Variants in WDR70 observed in about 807,000 individuals in gnomAD.
WDR70 encodes WD repeat-containing protein 70.
A neutral mutation model predicts 88.6 loss-of-function variants in WDR70; 53 were observed. The ratio of observed to expected loss-of-function variants is 0.60; its 90% CI spans 0.48 to 0.75. WDR70 has a LOEUF of 0.75. WDR70 is among the 30% of genes least tolerant of loss of function. The probability of loss-of-function intolerance (pLI) is 0.00; values close to 1 mark genes in which losing one functional copy is unlikely to be tolerated. For missense variants in WDR70, 610 were observed against 823.2 expected (o/e 0.74, Z 3.17); for synonymous variants, 280 against 270.0 (o/e 1.04, Z -0.36).
intron 17 of WDR70, among the ~76,000 whole-genome samples, chr5:37,734,543 T>A (rs981464417): frequency 6.6e-6 from 1 of 151,946 alleles, no homozygotes; most frequent in Non-Finnish European, 1.5e-5. Context: ...ATGGTAATAA[T>A]GCTAAGAAGA....
chr5:37,581,475 C>G (rs1209122792), intron 9 of WDR70, among the ~76,000 whole-genome samples: 1 of 152,102 alleles, frequency 6.6e-6, no homozygotes, highest in African/African-American at 2.4e-5. Context: ...CTTCATTGTC[C>G]TCACCCTCAA....
intron 5 of WDR70, among the ~76,000 whole-genome samples, chr5:37,415,795 G>A (rs1447266075): frequency 6.7e-4 from 69 of 103,052 alleles, no homozygotes; most frequent in African/African-American, 6.6e-4. Flanking sequence ...CTTCTCAGAC[G>A]GGGCGGCCGG....
chr5:37,426,397 C>G (rs1750124584), intron 5 of WDR70, among the ~76,000 whole-genome samples: 1 of 152,156 alleles, frequency 6.6e-6, no homozygotes. Context: ...TTATCTACTT[C>G]TATGTAACAA....
chr5:37,417,062 A>G, intron 5 of WDR70, among the ~76,000 whole-genome samples: 1 of 14,080 alleles, frequency 7.1e-5, no homozygotes, highest in East Asian at 4.7e-3. Flanking sequence ...TATTTTGTGC[A>G]TCTGCTATGT....
At chr5:37,596,314 A>T (rs1743698842) in intron 9 of WDR70, among the ~76,000 whole-genome samples, 1 of 152,190 alleles carries the variant, frequency 6.6e-6, no homozygotes, top group Non-Finnish European at 1.5e-5. Context: ...ACACCTTGGC[A>T]TCTATAAACC....
chr5:37,739,002 T>G (rs938773062), intron 17 of WDR70, among the ~76,000 whole-genome samples: 1 of 152,252 alleles, frequency 6.6e-6, no homozygotes, highest in African/African-American at 2.4e-5. Context: ...AATGACCACG[T>G]TGATGTCTAA....
rs202053615 is a variant in WDR70, at chr5:37,459,296, A to G, written c.686+15924A>G. Among the ~76,000 whole-genome samples the G allele has an allele frequency of 3.8e-3, 461 of 119,964 alleles. 6 individuals are homozygous for G. The highest frequency in any genetic ancestry group is 5.3e-3 in the South Asian group (16 of 3,010). 78.7% of individuals were successfully genotyped at this position (119,964 alleles called of 152,430 possible). A position where few individuals can be genotyped will look rare whatever the true frequency, so the allele number is the denominator to read the frequency against. ...TGTGGTGTGGTGCTGAAAAAAATGTATATTCTTTTGATTTGGGGTGGAGAG... is the reference window on the plus strand; with the variant it reads ...TGTGGTGTGGTGCTGAAAAAAATGTGTATTCTTTTGATTTGGGGTGGAGAG... On this transcript the variant is annotated intron_variant, in intron 7 of 17. Coordinates refer to ENST00000265107, the MANE Select transcript of WDR70 (RefSeq NM_018034.4).
At chr5:37,583,162 C>T (rs557780676) in intron 9 of WDR70, among the ~76,000 whole-genome samples, 11 of 152,156 alleles carry the variant, frequency 7.2e-5, no homozygotes, top group Non-Finnish European at 1.0e-4. Flanking sequence ...TGTGGTGGCT[C>T]ATGCCTGTAA....
intron 9 of WDR70, among the ~76,000 whole-genome samples, chr5:37,568,576 G>A (rs1742812689): frequency 6.6e-6 from 1 of 152,092 alleles, no homozygotes; most frequent in Admixed American, 6.5e-5. Context: ...TCTGATCATG[G>A]CATGTTTTTT....
chr5:37,425,864 T>C (rs1750107130), intron 5 of WDR70, among the ~76,000 whole-genome samples: 1 of 152,160 alleles, frequency 6.6e-6, no homozygotes, highest in South Asian at 2.1e-4. Flanking sequence ...GTTGCTGAGA[T>C]AGAAAGCAGG....
rs1554144047 is a variant in WDR70 at position 37,499,587 on chromosome 5, T to TTTTCTCTCTCTCTCTCTCTTTTTCTC, written c.841-16926_841-16925insTTCTCTCTCTCTCTCTCTTTTTCTCT. Among the ~76,000 whole-genome samples, 126 of 41,862 alleles carry TTTTCTCTCTCTCTCTCTCTTTTTCTC rather than the reference T, an allele frequency of 3.0e-3. 7 individuals are homozygous for TTTTCTCTCTCTCTCTCTCTTTTTCTC. The highest frequency in any genetic ancestry group is 6.8e-3 in the African/African-American group (115 of 17,016). 27.5% of individuals were successfully genotyped at this position (41,862 alleles called of 152,430 possible). ...TTTTTAAATATGTGATTTGGAAATA[T>TTTTCTCTCTCTCTCTCTCTTTTTCTC]TCTCTCTCTCTCTCTCTCTCTCTCT... On this transcript the variant is annotated intron_variant, in intron 8 of 17. Coordinates refer to ENST00000265107, the MANE Select transcript of WDR70 (RefSeq NM_018034.4).
intron 5 of WDR70, among the ~76,000 whole-genome samples, chr5:37,413,017 T>TA (rs1480396286): frequency 6.6e-6 from 1 of 152,076 alleles, no homozygotes; most frequent in Non-Finnish European, 1.5e-5. Flanking sequence ...AGAAAAGTTT[T>TA]AAAAAATTGG....
chr5:37,627,468 G>A (rs1404508504), intron 10 of WDR70, among the ~76,000 whole-genome samples: 1 of 151,826 alleles, frequency 6.6e-6, no homozygotes, highest in Non-Finnish European at 1.5e-5. Flanking sequence ...CTAATTTGGG[G>A]TTTGTTTGTT....
chr5:37,624,422 A>G (rs1456910836), intron 10 of WDR70, among the ~76,000 whole-genome samples: 1 of 152,190 alleles, frequency 6.6e-6, no homozygotes, highest in Admixed American at 6.5e-5. Context: ...TATATATCAC[A>G]TTTAATTTAT....
intron 10 of WDR70, 66 bp downstream of exon 10, chr5:37,605,304 A>G: frequency 6.7e-7 from 1 of 1,489,462 alleles, no homozygotes. Context: ...GCCACCTTAC[A>G]AAGACAAACG....
intron 7 of WDR70, among the ~76,000 whole-genome samples, chr5:37,472,057 A>G (rs1739342535): frequency 6.6e-6 from 1 of 151,988 alleles, no homozygotes; most frequent in South Asian, 2.1e-4. Context: ...CCTTTATCAA[A>G]TTAAGAACTT....
intron 10 of WDR70, among the ~76,000 whole-genome samples, chr5:37,630,858 G>T (rs1248271756): frequency 6.6e-6 from 1 of 152,202 alleles, no homozygotes; most frequent in Non-Finnish European, 1.5e-5. Flanking sequence ...TCTCACAGGG[G>T]AGAGGGTGCA....
chr5:37,727,956 G>A (rs1244282792), intron 17 of WDR70, among the ~76,000 whole-genome samples: 2 of 152,028 alleles, frequency 1.3e-5, no homozygotes, highest in Non-Finnish European at 2.9e-5. Flanking sequence ...AGTACAGAGA[G>A]TACATATATA....
At chr5:37,415,815 C>T (rs1328180728) in intron 5 of WDR70, among the ~76,000 whole-genome samples, 1 of 147,762 alleles carries the variant, frequency 6.8e-6, no homozygotes, top group African/African-American at 2.5e-5. Flanking sequence ...GGCAGAGACG[C>T]TCCTCACCTC....
Sources: allele counts gnomAD v4.1 joint callset (sites outside exome capture counted in the v4.1 genomes callset), GRCh38; gene constraint gnomAD v4.1.1; transcripts MANE v1.5; gene names NCBI Gene and HGNC (gene_info 2026-07-23, HGNC 2026-07-21).